KSR2: variants seen among roughly 807,000 people sequenced by gnomAD.
The protein encoded by KSR2 is kinase suppressor of ras 2.
A neutral mutation model predicts 107.8 loss-of-function variants in KSR2; 25 were observed. That is an observed-to-expected ratio of 0.23 (90% confidence interval 0.17 to 0.32). The LOEUF is 0.32. KSR2 is among the 10% of genes least tolerant of loss of function. KSR2 has a pLI of 1.00. For synonymous variants in KSR2, 480 were observed against 507.0 expected, an observed-to-expected ratio of 0.95 and a Z score of 0.71; for missense variants, 887 against 1,268.9, an observed-to-expected ratio of 0.70 and a Z score of 4.57.
At chr12:117,744,083 G>A (rs1888313728) in intron 4 of KSR2, among the ~76,000 whole-genome samples, 1 of 152,126 alleles carries the variant, frequency 6.6e-6, no homozygotes, top group South Asian at 2.1e-4. Context: ...TGATTTCTGT[G>A]CTGTCTAGTT....
chr12:117,745,144 C>T (rs1000932871), intron 4 of KSR2, among the ~76,000 whole-genome samples: 19 of 151,756 alleles, frequency 1.3e-4, no homozygotes, highest in African/African-American at 4.4e-4. Flanking sequence ...AGAGCCCCTG[C>T]CCTACCCCTA....
At chr12:117,718,581 G>A (rs920269918) in intron 4 of KSR2, among the ~76,000 whole-genome samples, 1 of 152,140 alleles carries the variant, frequency 6.6e-6, no homozygotes, top group African/African-American at 2.4e-5. Flanking sequence ...GTGGCTCAGG[G>A]GCAGATGGGG....
chr12:117,485,531 G>T, intron 15 of KSR2, 64 bp downstream of exon 15: 2 of 1,258,094 alleles, frequency 1.6e-6, no homozygotes, highest in South Asian at 1.2e-5. Context: ...GGGGTAGGGG[G>T]GCTTCCCTGG....
intron 13 of KSR2, among the ~76,000 whole-genome samples, chr12:117,526,768 G>A (rs766215933): frequency 2.0e-5 from 3 of 152,078 alleles, no homozygotes; most frequent in Admixed American, 6.5e-5. Context: ...TGAAGGCAGC[G>A]GGGCACATCC....
At chr12:117,725,084 TCACA>T (rs35413272) in intron 4 of KSR2, among the ~76,000 whole-genome samples, 225 of 121,570 alleles carry the variant, frequency 1.9e-3, no homozygotes, top group Middle Eastern at 0.013. Flanking sequence ...TCTCTCTCTC[TCACA>T]CACACACACA....
chr12:117,694,448 T>C (rs1885965190), intron 4 of KSR2, among the ~76,000 whole-genome samples: 1 of 152,214 alleles, frequency 6.6e-6, no homozygotes, highest in South Asian at 2.1e-4. Flanking sequence ...CACATGGAAC[T>C]GTGAGTCCAT....
intron 1 of KSR2, among the ~76,000 whole-genome samples, chr12:117,964,649 C>G (rs1896741884): frequency 6.6e-6 from 1 of 152,208 alleles, no homozygotes; most frequent in African/African-American, 2.4e-5. Flanking sequence ...CACCTGCAGC[C>G]ACTCTGTTCC....
At chr12:117,558,690 G>C in intron 7 of KSR2, 117 bp from the exon 8 acceptor site, 1 of 730,652 alleles carries the variant, frequency 1.4e-6, no homozygotes, top group East Asian at 2.5e-5. Flanking sequence ...TGGGTGAATG[G>C]ATGGGTAGAT....
At chr12:117,851,040 T>C (rs551658252) in intron 3 of KSR2, among the ~76,000 whole-genome samples, 189 of 152,282 alleles carry the variant, frequency 1.2e-3, no homozygotes, top group Admixed American at 2.2e-3. Flanking sequence ...TGAAGTACAG[T>C]GTTAAGGATC....
intron 3 of KSR2, among the ~76,000 whole-genome samples, chr12:117,844,622 C>G (rs545599871): frequency 2.0e-5 from 3 of 152,234 alleles, no homozygotes; most frequent in Admixed American, 6.5e-5. Context: ...TTCATACTAA[C>G]TTCTCCCAAA....
At chr12:117,783,130 G>A (rs1889942823) in intron 3 of KSR2, among the ~76,000 whole-genome samples, 2 of 151,736 alleles carry the variant, frequency 1.3e-5, no homozygotes, top group African/African-American at 4.8e-5. Context: ...CCCTTTTTTG[G>A]AAAGTGTACC....
At position 117,582,281 on chromosome 12, in the gene KSR2, C is replaced by A; in HGVS notation, c.1241+9G>T. The A allele has an allele frequency of 1.2e-6, 2 of 1,612,460 alleles. No homozygotes were observed. Among genetic ancestry groups the A allele is most frequent in the Non-Finnish European group, 1.7e-6 (2 of 1,178,566 alleles). ...AGTAGGCACCAGTGCACACAGGAAT[C>A]CAGCCTACCTGTGCTTGATGGAGTT... On this transcript the variant is annotated intron_variant, in intron 6 of 19. Transcript: ENST00000339824.
intron 3 of KSR2, among the ~76,000 whole-genome samples, chr12:117,813,775 A>C (rs1214747232): frequency 6.6e-6 from 1 of 152,202 alleles, no homozygotes; most frequent in East Asian, 1.9e-4. Flanking sequence ...ACTACTGAGC[A>C]TTTATCCAAA....
intron 3 of KSR2, among the ~76,000 whole-genome samples, chr12:117,853,818 C>T (rs886291169): frequency 6.6e-6 from 1 of 152,054 alleles, no homozygotes; most frequent in Non-Finnish European, 1.5e-5. Context: ...AGTAACATGA[C>T]CTTTACAGCT....
At chr12:117,596,403 G>A (rs186091428) in intron 5 of KSR2, among the ~76,000 whole-genome samples, 12 of 152,098 alleles carry the variant, frequency 7.9e-5, no homozygotes, top group African/African-American at 2.9e-4. Context: ...GATTTGGGTG[G>A]GGACACAGCC....
rs1450551948 is a variant in KSR2, at chr12:117,460,805, T to C, written c.*6394A>G. 1 of 152,164 alleles carries C rather than the reference T, an allele frequency of 6.6e-6. No homozygotes were observed. The highest frequency in any genetic ancestry group is 1.5e-5 in the Non-Finnish European group (1 of 68,038). The allele number at this position is 152,164 out of a possible 1,614,324, so 9.4% of individuals were successfully genotyped here. A position where few individuals can be genotyped will look rare whatever the true frequency, so the allele number is the denominator to read the frequency against. On this transcript the variant is annotated 3_prime_UTR_variant, in exon 20 of 20. Transcript: ENST00000339824. ...CTGGTTTCTGTCCCTGTACCACAGT[T>C]GCCCCATTGGAACGAGAATAAGACT...
chr12:117,479,546 C>A (rs551969391), intron 16 of KSR2, among the ~76,000 whole-genome samples: 1 of 152,250 alleles, frequency 6.6e-6, no homozygotes, highest in African/African-American at 2.4e-5. Context: ...GTTAGCACCC[C>A]CCTCCCCCTA....
At chr12:117,758,742 G>A (rs761491434) in intron 4 of KSR2, among the ~76,000 whole-genome samples, 10 of 152,168 alleles carry the variant, frequency 6.6e-5, no homozygotes, top group East Asian at 5.8e-4. Context: ...AAACCAAAGG[G>A]CAGCCTCTCT....
chr12:117,810,505 G>T (rs183592921), intron 3 of KSR2, among the ~76,000 whole-genome samples: 4 of 152,076 alleles, frequency 2.6e-5, no homozygotes, highest in Non-Finnish European at 5.9e-5. Flanking sequence ...TAGAGATGAG[G>T]TCTCACTACG....
Sources: allele counts gnomAD v4.1 joint callset (sites outside exome capture counted in the v4.1 genomes callset), GRCh38; gene constraint gnomAD v4.1.1; transcripts MANE v1.5; gene names NCBI Gene and HGNC (gene_info 2026-07-23, HGNC 2026-07-21).